Variants in CAMTA1 observed in about 807,000 individuals in gnomAD.
CAMTA1 encodes the protein calmodulin binding transcription activator 1, also known as calmodulin-binding transcription activator 1.
A neutral mutation model predicts 170.9 loss-of-function variants in CAMTA1; 27 were observed. The ratio of observed to expected loss-of-function variants is 0.16; its 90% confidence interval spans 0.12 to 0.22. CAMTA1 has a LOEUF of 0.22. CAMTA1 is among the 10% of genes least tolerant of loss of function. The pLI is 1.00. For synonymous variants in CAMTA1, 833 were observed against 891.5 expected (o/e 0.93, Z 1.17); for missense variants, 1,619 against 2,217.2 (o/e 0.73, Z 5.42).
chr1:7,144,566 G>A lies in CAMTA1; in HGVS notation c.302+53195G>A, dbSNP rs1455066055. Among the ~76,000 whole-genome samples, 2 of 152,102 alleles carry A rather than the reference G, an allele frequency of 1.3e-5. No homozygotes were observed. The highest frequency in any genetic ancestry group is 1.3e-4 in the Admixed American group (2 of 15,272). ...GATTTGCCTTGTCGGTGTAGTTTGT[G>A]GCTTCAGTGTTGTGAGGACTTACTC... On this transcript the variant is annotated intron_variant, in intron 4 of 22. Coordinates refer to ENST00000303635, the MANE Select transcript of CAMTA1 (RefSeq NM_015215.4). This position sits in a 1 kb window ranked among gnomAD's most constrained non-coding sequence, Gnocchi z 4.0.
chr1:7,074,078 G>A (rs1364333531), intron 3 of CAMTA1, among the ~76,000 whole-genome samples: 2 of 152,132 alleles, frequency 1.3e-5, no homozygotes, highest in African/African-American at 2.4e-5. Flanking sequence ...GATCTGCCCT[G>A]GTGTTTCTGT....
chr1:7,602,278 C>T (rs1341044322), intron 6 of CAMTA1, among the ~76,000 whole-genome samples: 1 of 151,532 alleles, frequency 6.6e-6, no homozygotes, highest in Non-Finnish European at 1.5e-5. Context: ...GTGAATCCAT[C>T]TGGTCCTGGA....
At chr1:7,185,996 T>A (rs1034476383) in intron 4 of CAMTA1, among the ~76,000 whole-genome samples, 1 of 152,222 alleles carries the variant, frequency 6.6e-6, no homozygotes, top group African/African-American at 2.4e-5. Flanking sequence ...TTTGAAGGTC[T>A]GTGGATTAGA....
chr1:7,444,913 A>C (rs1243999326), intron 5 of CAMTA1, among the ~76,000 whole-genome samples: 1 of 152,194 alleles, frequency 6.6e-6, no homozygotes, highest in Non-Finnish European at 1.5e-5. Context: ...GAGAATATAG[A>C]ACTGAGTGTG....
intron 1 of CAMTA1, among the ~76,000 whole-genome samples, chr1:6,789,219 C>T (rs545777782): frequency 6.6e-6 from 1 of 151,048 alleles, no homozygotes; most frequent in Non-Finnish European, 1.5e-5. Flanking sequence ...GTTGCTCTTA[C>T]TTGCTCTTTG....
chr1:6,805,436 C>T (rs1644400280), intron 1 of CAMTA1, among the ~76,000 whole-genome samples: 1 of 152,226 alleles, frequency 6.6e-6, no homozygotes, highest in Admixed American at 6.5e-5. Context: ...AGTCCCTTAT[C>T]AGATATGTGA....
At chr1:6,807,336 A>G (rs1413812072) in intron 1 of CAMTA1, among the ~76,000 whole-genome samples, 1 of 152,212 alleles carries the variant, frequency 6.6e-6, no homozygotes, top group African/African-American at 2.4e-5. Flanking sequence ...CTTGTGGCTG[A>G]GCAGGTACTC....
chr1:7,467,002 C>T (rs2093226702), intron 5 of CAMTA1, among the ~76,000 whole-genome samples: 2 of 152,130 alleles, frequency 1.3e-5, no homozygotes, highest in African/African-American at 4.8e-5. Flanking sequence ...GTGCCCAGCT[C>T]TACACACGCA....
chr1:7,243,588 T>C (rs1268368551), intron 4 of CAMTA1, among the ~76,000 whole-genome samples: 2 of 152,240 alleles, frequency 1.3e-5, no homozygotes, highest in Admixed American at 6.5e-5. Context: ...TTGGTCTATA[T>C]CTCTGTTTTG....
At chr1:7,104,369 T>TACACACACAC (rs35873712) in intron 4 of CAMTA1, among the ~76,000 whole-genome samples, 1 of 150,860 alleles carries the variant, frequency 6.6e-6, no homozygotes, top group East Asian at 2.0e-4. Context: ...TCAATACACA[T>TACACACACAC]ACACACACAC....
chr1:7,062,400 A>G (rs1278562915), intron 3 of CAMTA1, among the ~76,000 whole-genome samples: 1 of 152,218 alleles, frequency 6.6e-6, no homozygotes, highest in Non-Finnish European at 1.5e-5. Context: ...GAGCAAGAAG[A>G]AGATAGAATG....
At chr1:6,787,890 C>A (rs1639874585) in intron 1 of CAMTA1, among the ~76,000 whole-genome samples, 1 of 151,914 alleles carries the variant, frequency 6.6e-6, no homozygotes, top group Non-Finnish European at 1.5e-5. Flanking sequence ...AAAGAGATTT[C>A]GTGTGTTTGG....
intron 3 of CAMTA1, among the ~76,000 whole-genome samples, chr1:6,884,318 AC>A (rs1288948190): frequency 5.4e-5 from 8 of 148,536 alleles, no homozygotes; most frequent in African/African-American, 2.0e-4. Flanking sequence ...ACACACACAC[AC>A]ACACACACAC....
At chr1:6,995,938 C>T (rs1697187191) in intron 3 of CAMTA1, among the ~76,000 whole-genome samples, 1 of 152,188 alleles carries the variant, frequency 6.6e-6, no homozygotes, top group African/African-American at 2.4e-5. Flanking sequence ...CTGCCTGGTA[C>T]CTGGCCCTGG....
In CAMTA1 at chr1:7,041,621, C is replaced by T. The variant is rs1041546605; in HGVS notation, c.235-49683C>T. Reference sequence around the variant, plus strand: ...TATAGAATATTGGAGTGAAGAAATACGCATAAAGGCACAATTACCATGGAC... The same window carrying T: ...TATAGAATATTGGAGTGAAGAAATATGCATAAAGGCACAATTACCATGGAC... On this transcript the variant is annotated intron_variant, in intron 3 of 22. Transcript: ENST00000303635. The surrounding 1 kb of genome is among the most constrained non-coding windows in gnomAD (Gnocchi z 5.1). Among the ~76,000 whole-genome samples the T allele has an allele frequency of 2.0e-5, 3 of 152,156 alleles. No individual in the cohort carries two copies. The highest frequency in any genetic ancestry group is 2.9e-5 in the Non-Finnish European group (2 of 68,032).
intron 7 of CAMTA1, among the ~76,000 whole-genome samples, chr1:7,650,897 T>A (rs2095844626): frequency 6.6e-6 from 1 of 152,066 alleles, no homozygotes; most frequent in Non-Finnish European, 1.5e-5. Flanking sequence ...TCAACAAGAA[T>A]ACAGTGAAAA....
chr1:7,727,700 C>T (rs903499701), intron 11 of CAMTA1, among the ~76,000 whole-genome samples: 52 of 152,248 alleles, frequency 3.4e-4, no homozygotes, highest in Non-Finnish European at 2.2e-4. Flanking sequence ...AAGCAATGCA[C>T]AGCTCTCAAT....
chr1:7,010,447 T>G lies in CAMTA1; in HGVS notation c.235-80857T>G, dbSNP rs1195098651. On this transcript the variant is annotated intron_variant, in intron 3 of 22. Coordinates refer to ENST00000303635, the MANE Select transcript of CAMTA1 (RefSeq NM_015215.4). The surrounding 1 kb of genome is among the most constrained non-coding windows in gnomAD (Gnocchi z 4.4). ...TCCCAGGTCATGTCAGTCCTGAGGA[T>G]GCCAGGAGACGCTTTCTGAACACAG... Among the ~76,000 whole-genome samples, 1 of 152,226 alleles carries G rather than the reference T, an allele frequency of 6.6e-6. No individual in the cohort carries two copies. The highest frequency in any genetic ancestry group is 1.5e-5 in the Non-Finnish European group (1 of 68,034).
chr1:7,733,050 T>A (rs911149885), intron 12 of CAMTA1, among the ~76,000 whole-genome samples: 1 of 151,902 alleles, frequency 6.6e-6, no homozygotes, highest in African/African-American at 2.4e-5. Flanking sequence ...AAATTTTTTT[T>A]AATTAGCCAG....
Sources: allele counts gnomAD v4.1 joint callset (sites outside exome capture counted in the v4.1 genomes callset), GRCh38; gene constraint gnomAD v4.1.1; non-coding constraint Gnocchi (gnomAD v3.1); transcripts MANE v1.5; gene names NCBI Gene and HGNC (gene_info 2026-07-23, HGNC 2026-07-21).